MTOR: variants seen among roughly 807,000 people sequenced by gnomAD.
MTOR encodes mechanistic target of rapamycin kinase, also known as serine/threonine-protein kinase mTOR.
MTOR carries 70 observed loss-of-function variants against 319.8 expected under a neutral mutation model. The observed-to-expected ratio is 0.22, with a 90% confidence interval of 0.18 to 0.27. The LOEUF (loss-of-function observed/expected upper bound fraction) is 0.27. Among genes scored for constraint, MTOR ranks in the 10% least tolerant of loss-of-function variants. The probability of loss-of-function intolerance (pLI) is 1.00; values close to 1 mark genes in which losing one functional copy is unlikely to be tolerated. For synonymous variants in MTOR, 1,183 were observed against 1,211.4 expected (o/e 0.98, Z 0.49); for missense variants, 1,890 against 3,274.4 (o/e 0.58, Z 10.32).
chr1:11,166,506 C>T (rs1271459071), intron 29 of MTOR, among the ~76,000 whole-genome samples: 1 of 152,100 alleles, frequency 6.6e-6, no homozygotes, highest in Non-Finnish European at 1.5e-5. Flanking sequence ...ATGCTCATCA[C>T]TGGCCATCAG....
intron 28 of MTOR, chr1:11,195,067 G>A (rs748486278): frequency 3.1e-6 from 5 of 1,598,212 alleles, no homozygotes; most frequent in African/African-American, 1.3e-5. Context: ...TGAGACACGT[G>A]GAGACTGGAT....
Position 11,254,613 on chromosome 1 carries a change from G to A in MTOR, c.706-640C>T, listed in dbSNP as rs182456563. 4.2e-3 allele frequency among the ~76,000 whole-genome samples: 639 copies of A among 152,138 alleles called. 6 individuals carry two copies. Among genetic ancestry groups the A allele is most frequent in the African/African-American group, 0.015 (602 of 41,494 alleles). On this transcript the variant is annotated intron_variant, in intron 5 of 57. Transcript: ENST00000361445. The stretch of plus-strand genomic sequence containing the variant: ...GTTCAGAGCTCTTTTTCTAATATAA[G>A]ACTCACTGATAAGTTCCCTCTGCAG...
chr1:11,261,907 A>C (rs1651185405), intron 1 of MTOR, among the ~76,000 whole-genome samples: 1 of 152,176 alleles, frequency 6.6e-6, no homozygotes, highest in Non-Finnish European at 1.5e-5. Context: ...AATTAAACTT[A>C]GGATATCTGA....
chr1:11,107,682 C>A (rs1641643779), intron 57 of MTOR, among the ~76,000 whole-genome samples, 182 bp from the exon 58 acceptor site: 1 of 152,180 alleles, frequency 6.6e-6, no homozygotes, highest in African/African-American at 2.4e-5. Context: ...CCACCGAGGT[C>A]CCGCAAGGAC....
chr1:11,182,357 G>A (rs576172397), intron 28 of MTOR, among the ~76,000 whole-genome samples: 3 of 152,258 alleles, frequency 2.0e-5, no homozygotes, highest in South Asian at 4.1e-4. Flanking sequence ...CTTTTATGAC[G>A]AGACAACAAT....
In MTOR at chr1:11,195,166, G is replaced by A. The variant is rs1645737865; in HGVS notation, c.4253+4092C>T. ...TCCAAAGAAAGAATAAGTCTCCAAG[G>A]AGCACAAAAAAATCATATGTACCAA... On this transcript the variant is annotated intron_variant, in intron 28 of 57. Transcript: ENST00000361445. 9 of 949,962 alleles carry A rather than the reference G, an allele frequency of 9.5e-6. 1 individual carries two copies. The South Asian group carries it at 1.6e-4, about 17-fold the overall frequency. 58.8% of individuals were successfully genotyped at this position (949,962 alleles called of 1,614,324 possible). A position where few individuals can be genotyped will look rare whatever the true frequency, so the allele number is the denominator to read the frequency against.
chr1:11,149,482 T>C (rs922613751), intron 31 of MTOR: 1 of 152,294 alleles, frequency 6.6e-6, no homozygotes, highest in Non-Finnish European at 1.5e-5. Flanking sequence ...CTTCTAGACC[T>C]TCCCTCATTG....
chr1:11,248,089 C>A lies in MTOR; in HGVS notation c.846G>T (p.Leu282=), dbSNP rs1188420483. Residue 282 remains leucine (L), a synonymous_variant, in exon 7 of 58, where the codon CTG becomes CTT. Coordinates refer to ENST00000361445, the MANE Select transcript of MTOR (RefSeq NM_004958.4). ...GTGTGATTTCTTCCATTTCTTCTCT[C>A]AGACGCTATATATATGAGGAGGAAA... The part of the protein sequence containing the change: ...VRISSMEGER[L]REEMEEITQQ... 2 of 1,605,822 alleles carry A rather than the reference C, an allele frequency of 1.2e-6. No individual in the cohort carries two copies. Among genetic ancestry groups the A allele is most frequent in the Non-Finnish European group, 1.7e-6 (2 of 1,174,668 alleles).
At position 11,154,523 on chromosome 1, in the gene MTOR, C is replaced by CTA. The variant is rs200447468; in HGVS notation, c.4469+2627_4469+2628dup. 4.5e-4 allele frequency among the ~76,000 whole-genome samples: 67 copies of CTA among 149,676 alleles called. No homozygotes were observed. In the East Asian group the frequency reaches 9.3e-3, roughly 21 times the overall value. On this transcript the variant is annotated intron_variant, in intron 30 of 57. Transcript: ENST00000361445. ...TAATTGTGGAATATTATCTCTCTCTCTATATATATATATATGATCCAATGC... is the reference window on the plus strand; with the variant it reads ...TAATTGTGGAATATTATCTCTCTCTCTATATATATATATATATGATCCAATGC...
At chr1:11,120,531 A>AT (rs917731119) in intron 49 of MTOR, among the ~76,000 whole-genome samples, 18 of 151,904 alleles carry the variant, frequency 1.2e-4, no homozygotes, top group African/African-American at 4.1e-4. Flanking sequence ...AAAAAAAAAA[A>AT]AAAAGAGATG....
At chr1:11,136,661 GTTAATT>G (rs1025976881) in intron 36 of MTOR, among the ~76,000 whole-genome samples, 6 of 152,100 alleles carry the variant, frequency 3.9e-5, no homozygotes, top group South Asian at 2.1e-4. Context: ...ACCATGCCCA[GTTAATT>G]TTAATTTTAA....
chr1:11,227,107 G>A (rs531182726), intron 19 of MTOR, among the ~76,000 whole-genome samples: 29 of 151,632 alleles, frequency 1.9e-4, no homozygotes, highest in Admixed American at 1.8e-3. Context: ...AGACCAGCCT[G>A]GCAAACATGG....
At chr1:11,114,067 CAG>C (rs1353457850) in intron 53 of MTOR, among the ~76,000 whole-genome samples, 1 of 152,150 alleles carries the variant, frequency 6.6e-6, no homozygotes, top group African/African-American at 2.4e-5. Flanking sequence ...CCCAGCCAAG[CAG>C]AACTGTGAGT....
chr1:11,192,379 A>C (rs1471685247), intron 28 of MTOR: 1 of 1,598,352 alleles, frequency 6.3e-7, no homozygotes, highest in Non-Finnish European at 8.6e-7. Context: ...AGGTGAGGTC[A>C]TTACAGTCAC....
intron 4 of MTOR, among the ~76,000 whole-genome samples, chr1:11,256,504 G>C (rs1650422277): frequency 6.6e-6 from 1 of 152,166 alleles, no homozygotes; most frequent in Non-Finnish European, 1.5e-5. Context: ...AATACAGTAG[G>C]TATGTAGTAA....
intron 11 of MTOR, among the ~76,000 whole-genome samples, chr1:11,240,055 G>A (rs1647800047): frequency 6.6e-6 from 1 of 152,184 alleles, no homozygotes; most frequent in South Asian, 2.1e-4. Flanking sequence ...TGTCTCTGAA[G>A]CATTATTTCC....
At chr1:11,225,358 C>T (rs144277864) in intron 19 of MTOR, among the ~76,000 whole-genome samples, 1 of 150,992 alleles carries the variant, frequency 6.6e-6, no homozygotes, top group African/African-American at 2.4e-5. Flanking sequence ...AACATTCTAA[C>T]ACAATTTTTT....
At chr1:11,154,424 T>G (rs1644253642) in intron 30 of MTOR, among the ~76,000 whole-genome samples, 1 of 151,748 alleles carries the variant, frequency 6.6e-6, no homozygotes, top group East Asian at 1.9e-4. Flanking sequence ...TAAATAACAC[T>G]TCCTATAAAT....
At chr1:11,208,077 G>C (rs1226804710) in intron 25 of MTOR, among the ~76,000 whole-genome samples, 1 of 152,162 alleles carries the variant, frequency 6.6e-6, no homozygotes, top group Non-Finnish European at 1.5e-5. Context: ...TAGTCAGGAT[G>C]AAAACATCTG....
Sources: gnomAD v4.1 joint callset for allele counts (sites outside exome capture counted in the v4.1 genomes callset) on GRCh38, gnomAD v4.1.1 for gene constraint, MANE v1.5 for transcripts, NCBI Gene and HGNC (gene_info 2026-07-23, HGNC 2026-07-21) for gene names.